ZFHX4: variants seen among roughly 807,000 people sequenced by gnomAD.
ZFHX4 encodes zinc finger homeobox protein 4.
In ZFHX4, 56 loss-of-function variants were observed where a neutral mutation model predicts 267.6. The observed-to-expected ratio is 0.21, with a 90% confidence interval of 0.17 to 0.26. The LOEUF (loss-of-function observed/expected upper bound fraction) is 0.26, where lower values mean the gene tolerates loss of function less well. Ranked by LOEUF, ZFHX4 falls within the 10% of genes least tolerant of loss-of-function variation. The probability of loss-of-function intolerance (pLI) is 1.00; values close to 1 mark genes in which losing one functional copy is unlikely to be tolerated. For synonymous variants in ZFHX4, 1,778 were observed against 1,665.6 expected (o/e 1.07, Z -1.64); for missense variants, 4,332 against 4,420.0 (o/e 0.98, Z 0.56).
At chr8:76,792,356 C>A (rs1178211105) in intron 4 of ZFHX4, among the ~76,000 whole-genome samples, 2 of 152,118 alleles carry the variant, frequency 1.3e-5, no homozygotes, top group Non-Finnish European at 2.9e-5. Flanking sequence ...TCTATTAAAA[C>A]AAACTGACAA....
rs985547437 is a variant in ZFHX4, at chr8:76,855,034, G to A, written c.8113G>A (p.Ala2705Thr). The change falls in exon 10 of 11, where the codon GCA becomes ACA. Residue 2705 changes from alanine (A) to threonine (T), a missense_variant. Ala to Thr is a moderately conservative substitution (Grantham distance 58). Around this residue, in one of 7 missense-constraint regions of ZFHX4, gnomAD observed 1,648 missense variants for 1,625.0 expected, o/e 1.01. Transcript: ENST00000651372. ...RSRHWNEGKQ[A>T]GYSLPPSPLI... ...TCGGCACTGGAATGAAGGAAAGCAG[G>A]CAGGTTACAGCTTGCCACCAAGCCC... 23 of 1,613,820 alleles carry A rather than the reference G, an allele frequency of 1.4e-5. No homozygotes were observed. The highest frequency in any genetic ancestry group is 1.4e-5 in the Non-Finnish European group (17 of 1,179,872).
chr8:76,751,516 C>A (rs1041287136), intron 3 of ZFHX4, among the ~76,000 whole-genome samples: 6 of 152,168 alleles, frequency 3.9e-5, no homozygotes, highest in African/African-American at 1.4e-4. Context: ...CAGTTAGAAC[C>A]TATTTGCCAT....
intron 3 of ZFHX4, among the ~76,000 whole-genome samples, chr8:76,763,143 A>G (rs1347396546): frequency 6.6e-6 from 1 of 152,202 alleles, no homozygotes; most frequent in Non-Finnish European, 1.5e-5. Context: ...CCACCGTCCC[A>G]TAACAGGGCC....
chr8:76,811,918 C>A (rs892762733), intron 4 of ZFHX4, among the ~76,000 whole-genome samples: 1 of 152,018 alleles, frequency 6.6e-6, no homozygotes, highest in African/African-American at 2.4e-5. Flanking sequence ...GAGCGAAATT[C>A]CGTCTCAAAA....
At position 76,704,495 on chromosome 8, in the gene ZFHX4, A is replaced by G. The variant is rs766770013; in HGVS notation, c.407A>G (p.Asp136Gly). 7 of 1,613,992 alleles carry G rather than the reference A, an allele frequency of 4.3e-6. No individual in the cohort carries two copies. The highest frequency in any genetic ancestry group is 4.5e-5 in the East Asian group (2 of 44,882). ...NLTGEIVYQP[D>G]GSAYIIEDSK... ...ACAGGGGAGATCGTTTACCAGCCTG[A>G]TGGGTCAGCATATATAATTGAGGAC... is the stretch of plus-strand genomic sequence containing the variant. The change falls in exon 2 of 11, where the codon GAT becomes GGT. Residue 136 changes from aspartate (D) to glycine (G), a missense_variant. Asp to Gly is a moderately conservative substitution (Grantham distance 94). Transcript: ENST00000651372.
intron 3 of ZFHX4, among the ~76,000 whole-genome samples, chr8:76,747,643 G>A (rs1415513620): frequency 6.6e-6 from 1 of 152,112 alleles, no homozygotes; most frequent in Non-Finnish European, 1.5e-5. Context: ...CAAAATGAAA[G>A]AATAAAGGCC....
At chr8:76,757,400 A>G (rs1422144905) in intron 3 of ZFHX4, among the ~76,000 whole-genome samples, 1 of 152,098 alleles carries the variant, frequency 6.6e-6, no homozygotes, top group Admixed American at 6.6e-5. Flanking sequence ...GTTTGAGAGG[A>G]CCAGTCTCTA....
intron 4 of ZFHX4, among the ~76,000 whole-genome samples, chr8:76,823,160 C>A (rs1298347059): frequency 6.7e-6 from 1 of 149,780 alleles, no homozygotes; most frequent in African/African-American, 2.5e-5. Flanking sequence ...CAGTGAGACA[C>A]CTCTTCCTCT....
intron 3 of ZFHX4, among the ~76,000 whole-genome samples, chr8:76,742,965 A>AAC (rs10678597): frequency 0.3 from 45,924 of 152,046 alleles, 10,034 homozygotes; most frequent in African/African-American, 0.61. Flanking sequence ...CTTGTGAGAA[A>AAC]ACACACACAT....
chr8:76,700,622 AAAAGTTC>A (rs1808078676), intron 1 of ZFHX4, among the ~76,000 whole-genome samples: 1 of 152,198 alleles, frequency 6.6e-6, no homozygotes, highest in Non-Finnish European at 1.5e-5. Flanking sequence ...AATGAGTAAT[AAAAGTTC>A]TTTTCTGCAT....
At chr8:76,684,253 T>A (rs1563458294) in intron 1 of ZFHX4, among the ~76,000 whole-genome samples, 1 of 147,012 alleles carries the variant, frequency 6.8e-6, no homozygotes, top group South Asian at 2.2e-4. Flanking sequence ...TTCCTCATCT[T>A]AAAAAAAAAA....
chr8:76,776,805 T>C (rs1262858805), intron 3 of ZFHX4, among the ~76,000 whole-genome samples: 2 of 152,160 alleles, frequency 1.3e-5, no homozygotes, highest in African/African-American at 2.4e-5. Flanking sequence ...TAAAAAATAC[T>C]AAAAGTGTCC....
At chr8:76,839,639 A>G (rs540113874) in intron 5 of ZFHX4, among the ~76,000 whole-genome samples, 1 of 152,330 alleles carries the variant, frequency 6.6e-6, no homozygotes, top group Non-Finnish European at 1.5e-5. Context: ...TACTTTCACT[A>G]TTATTGCATG....
intron 3 of ZFHX4, among the ~76,000 whole-genome samples, chr8:76,731,531 G>C (rs1809011600): frequency 6.6e-6 from 1 of 152,132 alleles, no homozygotes; most frequent in African/African-American, 2.4e-5. Context: ...AGCAGTACAT[G>C]GCCAGTGAGT....
intron 3 of ZFHX4, among the ~76,000 whole-genome samples, chr8:76,771,526 A>G (rs1810263197): frequency 6.6e-6 from 1 of 151,834 alleles, no homozygotes; most frequent in Non-Finnish European, 1.5e-5. Context: ...GCAGCCTCCA[A>G]CTCTTGGACT....
At chr8:76,761,349 A>G (rs188783213) in intron 3 of ZFHX4, among the ~76,000 whole-genome samples, 5 of 152,344 alleles carry the variant, frequency 3.3e-5, no homozygotes, top group African/African-American at 9.6e-5. Flanking sequence ...CCCATGCAAT[A>G]CACTTGAAAC....
At chr8:76,683,977 A>T (rs1278231348) in intron 1 of ZFHX4, 1 of 151,842 alleles carries the variant, frequency 6.6e-6, no homozygotes, top group East Asian at 1.9e-4. Context: ...TCTCGGTGCC[A>T]TCAACACTTG....
In ZFHX4 at chr8:76,864,673, C is replaced by A; in HGVS notation, c.*108C>A. The A allele has an allele frequency of 1.3e-6, 1 of 751,492 alleles. No individual in the cohort carries two copies. Among genetic ancestry groups the A allele is most frequent in the Non-Finnish European group, 2.1e-6 (1 of 486,138 alleles). The allele number at this position is 751,492 out of a possible 1,614,324, so 46.6% of individuals were successfully genotyped here. On this transcript the variant is annotated 3_prime_UTR_variant, in exon 11 of 11. Coordinates refer to ENST00000651372, the MANE Select transcript of ZFHX4 (RefSeq NM_024721.5). The stretch of plus-strand genomic sequence containing the variant: ...CTTCTCTAACCCAAAAATTACAGTA[C>A]CAAATGATTGACTCAGGATTGTTTT...
rs745775615 is a variant in ZFHX4, at chr8:76,853,461, G to A, written c.6540G>A (p.Thr2180=). 7 of 1,613,608 alleles carry A rather than the reference G, an allele frequency of 4.3e-6. No homozygotes were observed. The highest frequency in any genetic ancestry group is 1.6e-4 in the Middle Eastern group (1 of 6,084). ...QKVIKHWFRN[T]LFKERQRNKD... ...TTATCAAACACTGGTTTAGAAATAC[G>A]CTTTTTAAGGAACGACAGAGAAATA... Residue 2180 remains threonine (T), a synonymous_variant, in exon 10 of 11, where the codon ACG becomes ACA. Coordinates refer to ENST00000651372, the MANE Select transcript of ZFHX4 (RefSeq NM_024721.5).
Sources: gnomAD v4.1 joint callset for allele counts (sites outside exome capture counted in the v4.1 genomes callset) on GRCh38, gnomAD v4.1.1 for gene constraint, gnomAD v4.1.1 regional missense constraint, MANE v1.5 for transcripts, NCBI Gene and HGNC (gene_info 2026-07-23, HGNC 2026-07-21) for gene names.